ARHGEF17: variants seen among roughly 807,000 people sequenced by gnomAD.
ARHGEF17 encodes Rho guanine nucleotide exchange factor 17.
A neutral mutation model predicts 174.0 loss-of-function variants in ARHGEF17; 80 were observed. The ratio of observed to expected loss-of-function variants is 0.46; its 90% CI spans 0.38 to 0.55. The LOEUF is 0.55. Ranked by LOEUF, ARHGEF17 falls within the 20% of genes least tolerant of loss-of-function variation. ARHGEF17 has a pLI of 0.00. For synonymous variants in ARHGEF17, 1,311 were observed against 1,189.1 expected (o/e 1.10, Z -2.11); for missense variants, 2,886 against 2,839.7 (o/e 1.02, Z -0.37).
In ARHGEF17 at chr11:73,355,849, C is replaced by A. The variant is rs772790621; in HGVS notation, c.3571-12C>A. 6.2e-7 allele frequency: 1 copy of A among 1,614,084 alleles called. No homozygotes were observed. Among genetic ancestry groups the A allele is most frequent in the Non-Finnish European group, 8.5e-7 (1 of 1,179,958 alleles). On this transcript the variant is annotated splice_polypyrimidine_tract_variant and intron_variant, in intron 4 of 20. Coordinates refer to ENST00000263674, the MANE Select transcript of ARHGEF17 (RefSeq NM_014786.4). The stretch of plus-strand genomic sequence containing the variant: ...TGTCATTCCTCACATGATGCCCATC[C>A]ATGGGTTTCAGCAAAGCATGCGTGA...
intron 2 of ARHGEF17, among the ~76,000 whole-genome samples, chr11:73,347,612 C>T (rs189617133): frequency 3.3e-5 from 5 of 152,326 alleles, no homozygotes; most frequent in South Asian, 2.1e-4. Flanking sequence ...GAGCACAACG[C>T]GCTGGTCCCA....
At chr11:73,313,341 G>A (rs1864872610) in intron 1 of ARHGEF17, among the ~76,000 whole-genome samples, 1 of 152,190 alleles carries the variant, frequency 6.6e-6, no homozygotes, top group South Asian at 2.1e-4. Context: ...AGCAGGTCCA[G>A]TTCTTGTCAG....
chr11:73,338,615 A>C (rs1170817183), intron 1 of ARHGEF17, among the ~76,000 whole-genome samples: 3 of 152,078 alleles, frequency 2.0e-5, no homozygotes, highest in African/African-American at 7.2e-5. Flanking sequence ...CTAAACCTTC[A>C]GGAGAATCTG....
At chr11:73,318,664 C>G (rs1277904621) in intron 1 of ARHGEF17, among the ~76,000 whole-genome samples, 1 of 152,180 alleles carries the variant, frequency 6.6e-6, no homozygotes, top group Non-Finnish European at 1.5e-5. Context: ...AACAAAACTT[C>G]CTATGGTTTC....
chr11:73,363,644 C>A, intron 15 of ARHGEF17, 103 bp from the exon 16 acceptor site: 9 of 1,522,098 alleles, frequency 5.9e-6, no homozygotes, highest in Non-Finnish European at 9.0e-7. Flanking sequence ...TGGGCAGGCA[C>A]CCAGCATTGA....
intron 14 of ARHGEF17, 51 bp downstream of exon 14, chr11:73,362,785 G>C: frequency 6.4e-7 from 1 of 1,563,046 alleles, no homozygotes; most frequent in East Asian, 2.3e-5. Flanking sequence ...AGGGTGGACT[G>C]CCCAGAGGAG....
rs751414074 is a variant in ARHGEF17 at position 73,310,140 on chromosome 11, C to T, written c.1502C>T (p.Pro501Leu). 6.2e-6 allele frequency: 10 copies of T among 1,614,058 alleles called. No homozygotes were observed. Among genetic ancestry groups the T allele is most frequent in the Non-Finnish European group, 8.5e-6 (10 of 1,180,016 alleles). The change falls in exon 1 of 21, where the codon CCC becomes CTC. Residue 501 changes from proline (P) to leucine (L), a missense_variant. Coordinates refer to ENST00000263674, the MANE Select transcript of ARHGEF17 (RefSeq NM_014786.4). The part of the protein sequence containing the change: ...GGSSGDRGSN[P>L]LDGRDSPSAG... ...AGCTCCGGGGACCGTGGAAGCAACC[C>T]CCTAGATGGCAGAGACTCACCATCC... is the stretch of plus-strand genomic sequence containing the variant.
intron 1 of ARHGEF17, among the ~76,000 whole-genome samples, chr11:73,333,170 TGA>T (rs1565195371): frequency 1.0e-3 from 154 of 152,038 alleles, no homozygotes; most frequent in African/African-American, 3.6e-3. Context: ...CCAATAATAA[TGA>T]CAAGACTAGA....
Position 73,360,373 on chromosome 11 carries a change from G to A in ARHGEF17, c.4260G>A (p.Ser1420=), listed in dbSNP as rs751089475. 1.5e-5 allele frequency: 25 copies of A among 1,613,782 alleles called. No homozygotes were observed. In the Admixed American group the frequency reaches 2.3e-4, roughly 15 times the overall value. ...CAGCTGCCATGCACCGGGACCTGTC[G>A]GAGAAGCAGGCGCTGTGCTACGCGC... is the stretch of plus-strand genomic sequence containing the variant. ...DLSAAMHRDL[S]EKQALCYALS... Residue 1420 remains serine (S), a synonymous_variant, in exon 11 of 21, where the codon TCG becomes TCA. Transcript: ENST00000263674.
At chr11:73,361,952 C>A in intron 12 of ARHGEF17, 88 bp from the exon 13 acceptor site, 5 of 1,500,996 alleles carry the variant, frequency 3.3e-6, no homozygotes, top group Non-Finnish European at 4.5e-6. Flanking sequence ...GCCTGCCTCC[C>A]TCCATTCTGC....
Position 73,363,297 on chromosome 11 carries a change from C to T in ARHGEF17, c.5088C>T (p.Ser1696=), listed in dbSNP as rs527714857. 24 of 1,612,622 alleles carry T rather than the reference C, an allele frequency of 1.5e-5. No individual in the cohort carries two copies. The highest frequency in any genetic ancestry group is 3.3e-4 in the Middle Eastern group (2 of 6,050). The part of the protein sequence containing the change: ...QEPGFLPLSG[S]FGPGGPCGTS... ...CAGGCTTCCTGCCACTGTCTGGCTC[C>T]TTTGGGCCTGGTGGTCCCTGCGGCA... The change falls in exon 15 of 21, where the codon TCC becomes TCT. Residue 1696 remains serine (S), a synonymous_variant. Transcript: ENST00000263674.
Position 73,360,325 on chromosome 11 carries a change from G to A in ARHGEF17, c.4212G>A (p.Leu1404=). 6.2e-7 allele frequency: 1 copy of A among 1,613,602 alleles called. No individual in the cohort carries two copies. The highest frequency in any genetic ancestry group is 8.5e-7 in the Non-Finnish European group (1 of 1,180,036). Residue 1404 remains leucine, a synonymous_variant, in exon 11 of 21, where the codon CTG becomes CTA. Coordinates refer to ENST00000263674, the MANE Select transcript of ARHGEF17 (RefSeq NM_014786.4). ...CTGGGCCCTCTTCCCCACAGAGCCT[G>A]GACGATGCACTGCGGGACCTCTCAG... ...SESLGFPHQS[L]DDALRDLSAA... is the part of the protein sequence containing the mutation.
intron 1 of ARHGEF17, among the ~76,000 whole-genome samples, chr11:73,334,385 G>C (rs1051960556): frequency 2.4e-4 from 36 of 152,172 alleles, no homozygotes; most frequent in African/African-American, 8.7e-4. Flanking sequence ...TGGAGAGGTG[G>C]GGAGGAGACT....
In ARHGEF17 at chr11:73,308,618, C is replaced by G. The variant is rs968606798; in HGVS notation, c.-21C>G. 2 of 1,445,890 alleles carry G rather than the reference C, an allele frequency of 1.4e-6. No individual in the cohort carries two copies. The highest frequency in any genetic ancestry group is 1.8e-6 in the Non-Finnish European group (2 of 1,103,352). The allele number at this position is 1,445,890 out of a possible 1,614,324, so 89.6% of individuals were successfully genotyped here. A position where few individuals can be genotyped will look rare whatever the true frequency, so the allele number is the denominator to read the frequency against. ...GCCGCGGCTGCCCGAGGCCAGCCCCCCCGGAGTGAGTTACGCCACTATGGC... is the reference window on the plus strand; with the variant it reads ...GCCGCGGCTGCCCGAGGCCAGCCCCGCCGGAGTGAGTTACGCCACTATGGC... On this transcript the variant is annotated 5_prime_UTR_variant, in exon 1 of 21. Coordinates refer to ENST00000263674, the MANE Select transcript of ARHGEF17 (RefSeq NM_014786.4).
At chr11:73,343,083 A>ACC in intron 1 of ARHGEF17, 1 of 316,776 alleles carries the variant, frequency 3.2e-6, no homozygotes. Flanking sequence ...CTCCGCGCTG[A>ACC]CCCCCGCCCC....
intron 1 of ARHGEF17, among the ~76,000 whole-genome samples, chr11:73,344,799 G>A (rs976701102): frequency 3.3e-5 from 5 of 152,230 alleles, no homozygotes; most frequent in Non-Finnish European, 7.3e-5. Flanking sequence ...GGCAGTGCTG[G>A]GGACCTGTGG....
Position 73,308,444 on chromosome 11 carries a change from A to C in ARHGEF17, c.-195A>C. On this transcript the variant is annotated 5_prime_UTR_variant, in exon 1 of 21. An upstream start codon of the reference 5' UTR is lost. Transcript: ENST00000263674. ...GCTGAGGCGGGAGGGGCCGCCCGGG[A>C]TGGAGACGTTGCGGCCGGTGGCCAC... The C allele has an allele frequency of 2.1e-6, 1 of 481,154 alleles. No homozygotes were observed. Among genetic ancestry groups the C allele is most frequent in the Non-Finnish European group, 3.4e-6 (1 of 294,930 alleles). 29.8% of individuals were successfully genotyped at this position (481,154 alleles called of 1,614,324 possible).
intron 2 of ARHGEF17, among the ~76,000 whole-genome samples, chr11:73,348,334 C>CT (rs1321391116): frequency 6.6e-6 from 1 of 152,200 alleles, no homozygotes; most frequent in Admixed American, 6.5e-5. Context: ...AGCTCACGGT[C>CT]TATGGCAGAG....
intron 1 of ARHGEF17, among the ~76,000 whole-genome samples, chr11:73,313,459 G>A (rs1864875667): frequency 6.6e-6 from 1 of 152,204 alleles, no homozygotes; most frequent in Admixed American, 6.5e-5. Context: ...GACTGAAGGT[G>A]GGTTGGGGGT....
Sources: allele counts gnomAD v4.1 joint callset (sites outside exome capture counted in the v4.1 genomes callset), GRCh38; gene constraint gnomAD v4.1.1; transcripts MANE v1.5; gene names NCBI Gene and HGNC (gene_info 2026-07-23, HGNC 2026-07-21).